The following BAIAP2 variants were observed in gnomAD, a reference collection of about 807,000 sequenced individuals.
BAIAP2 encodes the protein BAR/IMD domain-containing adapter protein 2.
In BAIAP2, 18 loss-of-function variants were observed where a neutral mutation model predicts 63.0. The ratio of observed to expected loss-of-function variants is 0.29; its 90% confidence interval spans 0.20 to 0.42. BAIAP2 has a LOEUF of 0.42. BAIAP2 is among the 10% of genes least tolerant of loss of function. The pLI, the probability that BAIAP2 is intolerant of heterozygous loss-of-function variation, is 1.00. For missense variants in BAIAP2, 610 were observed against 734.3 expected, an observed-to-expected ratio of 0.83 and a Z score of 1.96; for synonymous variants, 386 against 307.6, an observed-to-expected ratio of 1.25 and a Z score of -2.67.
intron 4 of BAIAP2, chr17:81,085,259 G>A (rs1057356816): frequency 1.8e-5 from 9 of 494,604 alleles, no homozygotes; most frequent in African/African-American, 9.7e-5. Context: ...ACCAGAGCAC[G>A]TTGCTGGCGG....
chr17:81,043,019 C>T (rs1044174276), intron 1 of BAIAP2, among the ~76,000 whole-genome samples: 2 of 152,116 alleles, frequency 1.3e-5, no homozygotes, highest in African/African-American at 4.8e-5. Context: ...AGGTGTGCGC[C>T]ACCACACTGG....
rs917179925 is a variant in BAIAP2, at chr17:81,053,747, G to A, written c.130+4G>A. Reference sequence around the variant, plus strand: ...AATTACGAGAAGGCACTGGCAGGTGGAACTGCGCCCGGGCCCCGTGGGGTG... The same window carrying A: ...AATTACGAGAAGGCACTGGCAGGTGAAACTGCGCCCGGGCCCCGTGGGGTG... On this transcript the variant is annotated splice_donor_region_variant and intron_variant, in intron 2 of 13. Coordinates refer to ENST00000428708, the MANE Select transcript of BAIAP2 (RefSeq NM_001144888.2). 1 of 1,613,744 alleles carries A rather than the reference G, an allele frequency of 6.2e-7. No homozygotes were observed. The highest frequency in any genetic ancestry group is 8.5e-7 in the Non-Finnish European group (1 of 1,179,936).
chr17:81,108,931 G>T lies in BAIAP2; in HGVS notation c.1535+422G>T, dbSNP rs538943645. On this transcript the variant is annotated intron_variant, in intron 13 of 13. Coordinates refer to ENST00000428708, the MANE Select transcript of BAIAP2 (RefSeq NM_001144888.2). ...TCGCCGCCTGTGGCTGGGCAGCGTC[G>T]TGCAGCCAGGCAGCCGTCCTGTGCT... The T allele has an allele frequency of 3.9e-6, 6 of 1,540,632 alleles. 1 individual carries two copies. The South Asian group carries it at 7.2e-5, about 18-fold the overall frequency.
chr17:81,061,169 T>C (rs1417056592), intron 3 of BAIAP2, among the ~76,000 whole-genome samples: 1 of 152,238 alleles, frequency 6.6e-6, no homozygotes, highest in African/African-American at 2.4e-5. Flanking sequence ...TTACGGAAGA[T>C]GTGGACTTAG....
At chr17:81,075,144 A>G (rs1353550919) in intron 3 of BAIAP2, among the ~76,000 whole-genome samples, 1 of 152,128 alleles carries the variant, frequency 6.6e-6, no homozygotes, top group African/African-American at 2.4e-5. Context: ...CTCCAGCCAC[A>G]TTTGCATTCC....
rs571239005 is a variant in BAIAP2, at chr17:81,069,724, C to T, written c.217+11757C>T. 2.6e-4 allele frequency among the ~76,000 whole-genome samples: 39 copies of T among 152,320 alleles called. No individual in the cohort carries two copies. The Middle Eastern group carries it at 0.01, about 40-fold the overall frequency. ...CTCCCCCGCCAGGACTGTCCACTCA[C>T]GAGCTCAGTCTGGCCAGTACGTTCC... is the stretch of plus-strand genomic sequence containing the variant. On this transcript the variant is annotated intron_variant, in intron 3 of 13. Transcript: ENST00000428708.
chr17:81,099,301 C>G (rs2145783018), intron 6 of BAIAP2, among the ~76,000 whole-genome samples: 1 of 152,346 alleles, frequency 6.6e-6, no homozygotes, highest in Admixed American at 6.5e-5. Flanking sequence ...GTCCCGCTCC[C>G]CGTCATTCAG....
intron 1 of BAIAP2, among the ~76,000 whole-genome samples, chr17:81,052,698 C>T (rs1353532964): frequency 2.0e-5 from 3 of 151,616 alleles, no homozygotes; most frequent in South Asian, 2.1e-4. Flanking sequence ...CTCTTGGCTT[C>T]GGAGGCTGAG....
At chr17:81,110,414 T>A in intron 13 of BAIAP2, 2 of 990,654 alleles carry the variant, frequency 2.0e-6, no homozygotes, top group Non-Finnish European at 2.4e-6. Flanking sequence ...TGTAAAGTGC[T>A]GAACATATTT....
At chr17:81,094,168 AG>A (rs1296354537) in intron 6 of BAIAP2, among the ~76,000 whole-genome samples, 1 of 152,172 alleles carries the variant, frequency 6.6e-6, no homozygotes, top group African/African-American at 2.4e-5. Flanking sequence ...CGAACATCTT[AG>A]CCCCCACTTC....
At chr17:81,050,973 C>T (rs533500268) in intron 1 of BAIAP2, among the ~76,000 whole-genome samples, 5 of 151,942 alleles carry the variant, frequency 3.3e-5, no homozygotes, top group Admixed American at 1.3e-4. Flanking sequence ...CTGCCGAGAG[C>T]GCACCAGGTC....
At chr17:81,085,558 G>C (rs750229505) in intron 4 of BAIAP2, 96 bp from the exon 5 acceptor site, 2 of 1,010,952 alleles carry the variant, frequency 2.0e-6, no homozygotes, top group South Asian at 2.6e-5. Flanking sequence ...CGGGACACCC[G>C]GTGTCTCGTG....
At chr17:81,058,183 G>A (rs1452639751) in intron 3 of BAIAP2, among the ~76,000 whole-genome samples, 3 of 152,214 alleles carry the variant, frequency 2.0e-5, no homozygotes, top group Non-Finnish European at 4.4e-5. Flanking sequence ...GTGCAGCCTG[G>A]GGTGAGGACA....
chr17:81,063,949 T>TGCTCAGCTCA (rs59527966), intron 3 of BAIAP2: 3 of 151,474 alleles, frequency 2.0e-5, no homozygotes, highest in African/African-American at 7.3e-5. Context: ...GGGGTGGAGG[T>TGCTCAGCTCA]GCTCAGCTCA....
At chr17:81,053,538 C>G (rs575169019) in intron 1 of BAIAP2, 130 bp from the exon 2 acceptor site, 1 of 931,782 alleles carries the variant, frequency 1.1e-6, no homozygotes, top group Admixed American at 1.9e-5. Context: ...GGGAAGCCCA[C>G]CTTGAGCATT....
intron 1 of BAIAP2, among the ~76,000 whole-genome samples, chr17:81,045,101 G>A (rs930073542): frequency 6.6e-6 from 1 of 152,260 alleles, no homozygotes; most frequent in Non-Finnish European, 1.5e-5. Flanking sequence ...CGTGGGCCGG[G>A]TCATGGTGTC....
chr17:81,058,632 C>T (rs1249632427), intron 3 of BAIAP2, among the ~76,000 whole-genome samples: 1 of 152,230 alleles, frequency 6.6e-6, no homozygotes, highest in Non-Finnish European at 1.5e-5. Flanking sequence ...ACTTGCTGCT[C>T]CCAGAGCGAG....
At chr17:81,047,518 A>G (rs1160354101) in intron 1 of BAIAP2, among the ~76,000 whole-genome samples, 1 of 152,100 alleles carries the variant, frequency 6.6e-6, no homozygotes, top group Non-Finnish European at 1.5e-5. Flanking sequence ...CAGCACACGC[A>G]TGAGTGCACA....
intron 5 of BAIAP2, among the ~76,000 whole-genome samples, chr17:81,086,200 T>C (rs2055605798): frequency 6.6e-6 from 1 of 151,420 alleles, no homozygotes; most frequent in African/African-American, 2.4e-5. Flanking sequence ...GTGATTTTCA[T>C]CTTGGGCGAC....
Sources: gnomAD v4.1 joint callset for allele counts (sites outside exome capture counted in the v4.1 genomes callset) on GRCh38, gnomAD v4.1.1 for gene constraint, MANE v1.5 for transcripts, NCBI Gene and HGNC (gene_info 2026-07-23, HGNC 2026-07-21) for gene names.